The following SPATA1 variants were observed in gnomAD, a reference collection of about 807,000 sequenced individuals.
SPATA1 encodes the protein spermatogenesis associated 1, also known as spermatogenesis-associated protein 1.
SPATA1 carries 57 observed loss-of-function variants against 59.6 expected under a neutral mutation model. The observed-to-expected ratio is 0.96, with a 90% CI of 0.77 to 1.19. The LOEUF (loss-of-function observed/expected upper bound fraction) is 1.19, where lower values mean the gene tolerates loss of function less well. Among genes scored for constraint, SPATA1 ranks in the 50% most tolerant of loss-of-function variants. The probability of loss-of-function intolerance (pLI) is 0.00; values close to 1 mark genes in which losing one functional copy is unlikely to be tolerated. For missense variants in SPATA1, 448 were observed against 480.7 expected (o/e 0.93, Z 0.64); for synonymous variants, 147 against 163.9 (o/e 0.90, Z 0.79).
At chr1:84,522,255 A>C (rs1327407247) in intron 3 of SPATA1, 135 bp from the exon 4 acceptor site, 1 of 438,540 alleles carries the variant, frequency 2.3e-6, no homozygotes, top group African/African-American at 2.0e-5. Context: ...CAATGTGGAA[A>C]CATAATATGT....
intron 8 of SPATA1, among the ~76,000 whole-genome samples, chr1:84,538,534 A>C (rs1001251920): frequency 6.6e-6 from 1 of 152,224 alleles, no homozygotes; most frequent in South Asian, 2.1e-4. Context: ...ATCAATTCAG[A>C]GAAATTTCAG....
chr1:84,545,254 C>CAT (rs1238233159), intron 9 of SPATA1, among the ~76,000 whole-genome samples: 2 of 148,106 alleles, frequency 1.4e-5, no homozygotes, highest in Non-Finnish European at 1.5e-5. Context: ...ATATATATAT[C>CAT]ATATATATAT....
chr1:84,549,010 AAC>A (rs1684189470), intron 11 of SPATA1, 46 bp downstream of exon 11: 1 of 1,476,568 alleles, frequency 6.8e-7, no homozygotes, highest in South Asian at 1.5e-5. Flanking sequence ...TTCTGTTCAA[AAC>A]ACATGCTTTA....
At chr1:84,517,127 A>G (rs926496962) in intron 2 of SPATA1, among the ~76,000 whole-genome samples, 1 of 152,128 alleles carries the variant, frequency 6.6e-6, no homozygotes, top group African/African-American at 2.4e-5. Flanking sequence ...TTCTTGATCT[A>G]TGTGTGCACA....
At chr1:84,537,360 C>G (rs1683740078) in intron 8 of SPATA1, among the ~76,000 whole-genome samples, 1 of 152,140 alleles carries the variant, frequency 6.6e-6, no homozygotes, top group Non-Finnish European at 1.5e-5. Context: ...AGTGGATAAG[C>G]TATTGGATAA....
chr1:84,553,088 GAAA>G, exon 13 of SPATA1: 1 of 1,397,894 alleles, frequency 7.2e-7, no homozygotes, highest in Non-Finnish European at 9.5e-7. Flanking sequence ...AACTGGCACA[GAAA>G]AAAAAAATAA....
intron 8 of SPATA1, among the ~76,000 whole-genome samples, chr1:84,536,766 T>C (rs1683706319): frequency 6.6e-6 from 1 of 151,668 alleles, no homozygotes; most frequent in African/African-American, 2.4e-5. Flanking sequence ...TAACCAGACA[T>C]TGGGGAAATA....
chr1:84,510,715 T>C (rs1682499596), intron 1 of SPATA1, among the ~76,000 whole-genome samples: 1 of 152,228 alleles, frequency 6.6e-6, no homozygotes, highest in Non-Finnish European at 1.5e-5. Context: ...CTCCCTTGTT[T>C]ACTGCAGCAC....
chr1:84,517,071 T>C (rs932716726), intron 2 of SPATA1, among the ~76,000 whole-genome samples: 2 of 152,182 alleles, frequency 1.3e-5, no homozygotes, highest in African/African-American at 4.8e-5. Context: ...TCTCATTAAA[T>C]TCACCTTTCA....
At chr1:84,562,922 T>G (rs1007063570) in intron 4 of SPATA1, among the ~76,000 whole-genome samples, 1 of 152,188 alleles carries the variant, frequency 6.6e-6, no homozygotes, top group African/African-American at 2.4e-5. Context: ...TAGTAACTTA[T>G]TTTGGCCCAA....
intron 6 of SPATA1, among the ~76,000 whole-genome samples, chr1:84,531,891 A>C (rs1203913647): frequency 6.6e-6 from 1 of 152,146 alleles, no homozygotes; most frequent in African/African-American, 2.4e-5. Context: ...TTCAAATATT[A>C]ATTTGGCTCA....
At chr1:84,517,761 A>C (rs1268988970) in intron 2 of SPATA1, among the ~76,000 whole-genome samples, 1 of 152,002 alleles carries the variant, frequency 6.6e-6, no homozygotes, top group Non-Finnish European at 1.5e-5. Context: ...CCAGCTTTTA[A>C]ATATATACAA....
chr1:84,548,999 G>A, intron 11 of SPATA1, 35 bp downstream of exon 11: 1 of 1,503,194 alleles, frequency 6.7e-7, no homozygotes, highest in Non-Finnish European at 8.9e-7. Flanking sequence ...CGTTAGAGAA[G>A]TTCTGTTCAA....
exon 11 of SPATA1, chr1:84,548,887 A>G (rs753937401): frequency 6.2e-7 from 1 of 1,607,892 alleles, no homozygotes; most frequent in Non-Finnish European, 8.5e-7. Flanking sequence ...ACTCTACTAT[A>G]AAAAACTGCT....
At chr1:84,520,000 ATCAG>A (rs1330073729) in intron 2 of SPATA1, 1 of 152,228 alleles carries the variant, frequency 6.6e-6, no homozygotes, top group African/African-American at 2.4e-5. Context: ...ATAACAAAAC[ATCAG>A]TGGAAAAGTG....
chr1:84,530,000 G>C (rs763552853), intron 6 of SPATA1, among the ~76,000 whole-genome samples: 1 of 152,038 alleles, frequency 6.6e-6, no homozygotes, highest in African/African-American at 2.4e-5. Flanking sequence ...GGGACTACAG[G>C]CACACGCAGC....
chr1:84,521,425 A>G (rs1683022176), intron 3 of SPATA1, among the ~76,000 whole-genome samples: 2 of 152,172 alleles, frequency 1.3e-5, no homozygotes, highest in African/African-American at 4.8e-5. Flanking sequence ...TCTTTCTTCA[A>G]CCACATCAGC....
At chr1:84,554,207 T>C (rs746064122) in exon 13 of SPATA1, 5 of 152,032 alleles carry the variant, frequency 3.3e-5, no homozygotes, top group Non-Finnish European at 5.9e-5. Flanking sequence ...TATATGTCCA[T>C]AAATGAAGAA....
chr1:84,562,617 G>T (rs769548202), intron 4 of SPATA1, among the ~76,000 whole-genome samples: 1 of 152,052 alleles, frequency 6.6e-6, no homozygotes, highest in Non-Finnish European at 1.5e-5. Flanking sequence ...CCTTTATAAT[G>T]CTAAAGGTAA....
Sources: allele counts gnomAD v4.1 joint callset (sites outside exome capture counted in the v4.1 genomes callset), GRCh38; gene constraint gnomAD v4.1.1; transcripts MANE v1.5; gene names NCBI Gene and HGNC (gene_info 2026-07-23, HGNC 2026-07-21).